PLVAP: variants seen among roughly 807,000 people sequenced by gnomAD.
PLVAP encodes the protein plasmalemma vesicle associated protein.
Under a neutral mutation model 43.1 loss-of-function variants are expected in PLVAP, and 34 were observed. The ratio of observed to expected loss-of-function variants is 0.79; its 90% CI spans 0.60 to 1.05. PLVAP has a LOEUF of 1.05. Ranked by LOEUF, PLVAP falls within the 50% of genes least tolerant of loss-of-function variation. The pLI, the probability that PLVAP is intolerant of heterozygous loss-of-function variation, is 0.00. For missense variants in PLVAP, 574 were observed against 593.4 expected (o/e 0.97, Z 0.34); for synonymous variants, 241 against 237.3 (o/e 1.02, Z -0.14).
chr19:17,360,593 C>G lies in PLVAP; in HGVS notation c.1257G>C (p.Glu419Asp). 1 of 1,613,290 alleles carries G rather than the reference C, an allele frequency of 6.2e-7. No individual in the cohort carries two copies. Among genetic ancestry groups the G allele is most frequent in the Non-Finnish European group, 8.5e-7 (1 of 1,179,608 alleles). Residue 419 changes from glutamate to aspartate, a missense_variant, in exon 5 of 6, where the codon GAG (glutamate) becomes GAC (aspartate). Coordinates refer to ENST00000252590, the MANE Select transcript of PLVAP (RefSeq NM_031310.3). ...NPQPIDPASL[E>D]EFKRKILESQ... is the part of the protein sequence containing the mutation. ...ACTCCAGGATCTTCCTCTTGAACTC[C>G]TCCAGGCTAGCTGGGTCTGTGGAGG...
intron 5 of PLVAP, among the ~76,000 whole-genome samples, chr19:17,352,595 G>A (rs1790942218): frequency 1.3e-5 from 2 of 152,028 alleles, no homozygotes; most frequent in African/African-American, 4.8e-5. Flanking sequence ...GATGGTGAAT[G>A]GTGAGACTGA....
chr19:17,369,701 C>T (rs1361038213), intron 1 of PLVAP, among the ~76,000 whole-genome samples: 2 of 149,214 alleles, frequency 1.3e-5, no homozygotes, highest in African/African-American at 4.9e-5. Context: ...AAGAGCATAT[C>T]AAAAGACATT....
At position 17,370,832 on chromosome 19, in the gene PLVAP, G is replaced by A. The variant is rs540405898; in HGVS notation, c.370-4637C>T. ...AGCACTTTGGGAGGCCGAGGCGGGCGGATCACGAGGTCAGGAGATCTAGAC... is the reference window on the plus strand; with the variant it reads ...AGCACTTTGGGAGGCCGAGGCGGGCAGATCACGAGGTCAGGAGATCTAGAC... On this transcript the variant is annotated intron_variant, in intron 1 of 5. Coordinates refer to ENST00000252590, the MANE Select transcript of PLVAP (RefSeq NM_031310.3). Among the ~76,000 whole-genome samples the A allele has an allele frequency of 2.6e-5, 4 of 152,130 alleles. No individual in the cohort carries two copies. The South Asian group carries it at 6.2e-4, about 24-fold the overall frequency.
In PLVAP at chr19:17,377,291, G is replaced by T; in HGVS notation, c.-3C>A. On this transcript the variant is annotated 5_prime_UTR_variant, in exon 1 of 6. Transcript: ENST00000252590. ...CCGTGCTCCATGGCCAGACCCATTT[G>T]CTCGATCCCGCCGTCCGGTGCACCG... 6.2e-7 allele frequency: 1 copy of T among 1,604,422 alleles called. No homozygotes were observed.
In PLVAP at chr19:17,352,268, GGAGGGGGTTGTGTCGGGCGCTGT is replaced by G; in HGVS notation, c.*71_*93del. 6.5e-7 allele frequency: 1 copy of G among 1,538,932 alleles called. No individual in the cohort carries two copies. On this transcript the variant is annotated 3_prime_UTR_variant, in exon 6 of 6. Transcript: ENST00000252590. ...TGGCCCTGGGTGGTTGGGGGCGGCG[GGAGGGGGTTGTGTCGGGCGCTGT>G]GAGCATATCCCTGCATCCTCCGCAA...
chr19:17,371,706 C>G (rs959314250), intron 1 of PLVAP, among the ~76,000 whole-genome samples: 9 of 152,046 alleles, frequency 5.9e-5, no homozygotes, highest in Admixed American at 4.6e-4. Context: ...TGGTCTTAAA[C>G]TGCTGAGCTC....
rs748955046 is a variant in PLVAP, at chr19:17,366,235, G to A, written c.370-40C>T. 4.4e-6 allele frequency: 7 copies of A among 1,600,362 alleles called. No individual in the cohort carries two copies. In the African/African-American group the frequency reaches 6.7e-5, roughly 15 times the overall value. On this transcript the variant is annotated intron_variant, in intron 1 of 5. Coordinates refer to ENST00000252590, the MANE Select transcript of PLVAP (RefSeq NM_031310.3). ...GGGGAAGGACGCAGGACAGAGCTTA[G>A]TGTCTTGCCCCCAGGACTGCCTGGA...
rs113520648 is a variant in PLVAP at position 17,365,220 on chromosome 19, G to A, written c.1179+66C>T. ...TCAAAGCCAACTCCAAGTTCAAATC[G>A]CCACCACCCTCTTGGCATCTGGACC... On this transcript the variant is annotated intron_variant, in intron 3 of 5. Transcript: ENST00000252590. 1,297 of 1,456,920 alleles carry A rather than the reference G, an allele frequency of 8.9e-4. 14 individuals carry two copies. In the African/African-American group the frequency reaches 0.015, roughly 17 times the overall value. The allele number at this position is 1,456,920 out of a possible 1,614,324, so 90.2% of individuals were successfully genotyped here. A position where few individuals can be genotyped will look rare whatever the true frequency, so the allele number is the denominator to read the frequency against.
chr19:17,360,505 C>T (rs774196249), intron 5 of PLVAP, 23 bp downstream of exon 5: 1 of 1,606,678 alleles, frequency 6.2e-7, no homozygotes, highest in South Asian at 1.1e-5. Flanking sequence ...GACTGAACAA[C>T]TGCAGTCTGC....
In PLVAP at chr19:17,352,323, G is replaced by A. The variant is rs367728918; in HGVS notation, c.*39C>T. On this transcript the variant is annotated 3_prime_UTR_variant, in exon 6 of 6. Coordinates refer to ENST00000252590, the MANE Select transcript of PLVAP (RefSeq NM_031310.3). ...ATCCCTGCATCCTCCGCAAACCGCC[G>A]AGTCGGGCCATCCCTTGGTCCTCAG... The A allele has an allele frequency of 9.3e-6, 15 of 1,612,596 alleles. No individual in the cohort carries two copies. In the Admixed American group the frequency reaches 1.5e-4, roughly 16 times the overall value.
At chr19:17,364,237 C>T (rs146239001) in intron 3 of PLVAP, among the ~76,000 whole-genome samples, 5 of 152,180 alleles carry the variant, frequency 3.3e-5, no homozygotes, top group East Asian at 1.9e-4. Flanking sequence ...AGACGCACGC[C>T]GCCACGCCCA....
intron 5 of PLVAP, among the ~76,000 whole-genome samples, chr19:17,356,741 C>T (rs1170574891): frequency 6.6e-6 from 1 of 151,932 alleles, no homozygotes; most frequent in Non-Finnish European, 1.5e-5. Flanking sequence ...GGGTGGATCA[C>T]CTGAGGTCGG....
At chr19:17,376,882 C>T (rs772449891) in intron 1 of PLVAP, 38 bp downstream of exon 1, 18 of 1,577,756 alleles carry the variant, frequency 1.1e-5, no homozygotes, top group Non-Finnish European at 1.6e-5. Flanking sequence ...GGGGCTTGCT[C>T]AGGGTCCCCA....
At chr19:17,354,050 G>C (rs1483644139) in intron 5 of PLVAP, among the ~76,000 whole-genome samples, 1 of 152,202 alleles carries the variant, frequency 6.6e-6, no homozygotes, top group African/African-American at 2.4e-5. Flanking sequence ...AGCACTTTGG[G>C]AGGCCGAGGT....
intron 5 of PLVAP, among the ~76,000 whole-genome samples, chr19:17,359,465 G>C (rs2074519197): frequency 6.6e-6 from 1 of 151,518 alleles, no homozygotes; most frequent in South Asian, 2.1e-4. Context: ...GAGTGCAATG[G>C]TGTCATCTCG....
intron 1 of PLVAP, among the ~76,000 whole-genome samples, chr19:17,367,895 T>C (rs2074556459): frequency 6.6e-6 from 1 of 151,828 alleles, no homozygotes. Context: ...AGGGTTTTTT[T>C]GTTTTTGTTT....
intron 5 of PLVAP, among the ~76,000 whole-genome samples, chr19:17,356,274 C>A (rs533018244): frequency 6.6e-6 from 1 of 152,216 alleles, no homozygotes; most frequent in East Asian, 1.9e-4. Context: ...TGCGCCACTG[C>A]ACTCCAGCCC....
chr19:17,362,748 C>T (rs1035367899), intron 3 of PLVAP: 6 of 152,202 alleles, frequency 3.9e-5, no homozygotes, highest in Admixed American at 1.3e-4. Flanking sequence ...TTCTCACCAT[C>T]CAAATTCCAA....
intron 5 of PLVAP, among the ~76,000 whole-genome samples, chr19:17,355,529 A>AC (rs1405026404): frequency 7.7e-6 from 1 of 129,950 alleles, no homozygotes; most frequent in Non-Finnish European, 1.6e-5. Context: ...TGCCTGGTTA[A>AC]TTTTTTTTTT....
Sources: allele counts gnomAD v4.1 joint callset (sites outside exome capture counted in the v4.1 genomes callset), GRCh38; gene constraint gnomAD v4.1.1; transcripts MANE v1.5; gene names NCBI Gene and HGNC (gene_info 2026-07-23, HGNC 2026-07-21).